Variants in BMP8A observed in about 807,000 individuals in gnomAD.
The protein encoded by BMP8A is BMP-8A.
BMP8A carries 14 observed loss-of-function variants against 36.8 expected under a neutral mutation model. That is an observed-to-expected ratio of 0.38 (90% CI 0.25 to 0.60). BMP8A has a LOEUF of 0.60. Ranked by LOEUF, BMP8A falls within the 20% of genes least tolerant of loss-of-function variation. The pLI is 0.63. For synonymous variants in BMP8A, 120 were observed against 237.7 expected (o/e 0.50, Z 4.55); for missense variants, 267 against 551.1 (o/e 0.48, Z 5.16).
chr1:39,493,216 G>T (rs1373939651), intron 1 of BMP8A, among the ~76,000 whole-genome samples: 4 of 152,190 alleles, frequency 2.6e-5, no homozygotes, highest in Non-Finnish European at 4.4e-5. Context: ...GAGCTGTGGG[G>T]CTGAGAGCAG....
chr1:39,522,296 A>G, intron 4 of BMP8A, 107 bp from the exon 5 acceptor site: 1 of 1,186,364 alleles, frequency 8.4e-7, no homozygotes. Flanking sequence ...CCTGTCATTC[A>G]TTTATTTGAC....
At chr1:39,517,869 A>AAAGGCTAC (rs1468969773) in intron 3 of BMP8A, among the ~76,000 whole-genome samples, 1 of 152,286 alleles carries the variant, frequency 6.6e-6, no homozygotes, top group African/African-American at 2.4e-5. Flanking sequence ...GTGTGTGGCC[A>AAAGGCTAC]AAGGCTACAG....
Position 39,524,401 on chromosome 1 carries a change from T to C in BMP8A, c.1060-1248T>C, listed in dbSNP as rs1436925234. The stretch of plus-strand genomic sequence containing the variant: ...GCAAACCAACCGTGGAGTTGACACC[T>C]CCTGTGAGGAAGAGCAGAGCAGCCG... On this transcript the variant is annotated intron_variant, in intron 6 of 6. Transcript: ENST00000331593. The surrounding 1 kb of genome is among the most constrained non-coding windows in gnomAD (Gnocchi z 4.0). Among the ~76,000 whole-genome samples the C allele has an allele frequency of 2.6e-5, 4 of 151,904 alleles. No individual in the cohort carries two copies. The highest frequency in any genetic ancestry group is 4.4e-5 in the Non-Finnish European group (3 of 67,964).
intron 3 of BMP8A, among the ~76,000 whole-genome samples, chr1:39,519,379 C>T (rs1256623195): frequency 7.1e-6 from 1 of 140,030 alleles, no homozygotes; most frequent in African/African-American, 2.5e-5. Context: ...TTCCTCTGTG[C>T]CCCAGCTCTG....
chr1:39,501,941 A>G (rs755355065), intron 1 of BMP8A, among the ~76,000 whole-genome samples: 1 of 152,182 alleles, frequency 6.6e-6, no homozygotes, highest in Non-Finnish European at 1.5e-5. Flanking sequence ...CATCACATCT[A>G]AAGAAACCCC....
rs950012742 is a variant in BMP8A at position 39,528,047 on chromosome 1, C to G, written c.*2249C>G. 5.3e-4 allele frequency among the ~76,000 whole-genome samples: 80 copies of G among 152,212 alleles called. No individual in the cohort carries two copies. Among genetic ancestry groups the G allele is most frequent in the Non-Finnish European group, 1.8e-4 (12 of 68,042 alleles). Reference sequence around the variant, plus strand: ...TCGGAAACTGACAAATGTGTGGTCTCTTCAGTGCCCAGTGTGTAACCTGGC... The same window carrying G: ...TCGGAAACTGACAAATGTGTGGTCTGTTCAGTGCCCAGTGTGTAACCTGGC... On this transcript the variant is annotated 3_prime_UTR_variant, in exon 7 of 7. Coordinates refer to ENST00000331593, the MANE Select transcript of BMP8A (RefSeq NM_181809.4).
chr1:39,507,686 A>T (rs1247418064), intron 1 of BMP8A, among the ~76,000 whole-genome samples: 1 of 152,136 alleles, frequency 6.6e-6, no homozygotes, highest in Non-Finnish European at 1.5e-5. Flanking sequence ...CCTTGGTTCT[A>T]TGGGAAGGTG....
chr1:39,517,395 A>T (rs1645401771), intron 3 of BMP8A, among the ~76,000 whole-genome samples: 1 of 151,876 alleles, frequency 6.6e-6, no homozygotes, highest in African/African-American at 2.4e-5. Context: ...AGCTCACTGC[A>T]ACCCCTGCTT....
intron 1 of BMP8A, among the ~76,000 whole-genome samples, chr1:39,499,731 C>T (rs542526069): frequency 6.6e-6 from 1 of 152,182 alleles, no homozygotes; most frequent in African/African-American, 2.4e-5. Flanking sequence ...CCCAGAGCCA[C>T]GGTGAGGTGG....
At chr1:39,519,945 G>C (rs2124375122) in intron 3 of BMP8A, among the ~76,000 whole-genome samples, 1 of 114,436 alleles carries the variant, frequency 8.7e-6, no homozygotes, top group South Asian at 3.7e-4. Flanking sequence ...CTGCAATTCA[G>C]TATCAGGAAA....
rs964717070 is a variant in BMP8A, at chr1:39,504,552, G to C, written c.335-6622G>C. 2.6e-5 allele frequency among the ~76,000 whole-genome samples: 4 copies of C among 152,194 alleles called. No homozygotes were observed. The East Asian group carries it at 7.7e-4, about 29-fold the overall frequency. ...GCATGTCTCAGTCGGTATAGTGTGA[G>C]ACTCTTAATCTCAGGGTCGTGGGTT... On this transcript the variant is annotated intron_variant, in intron 1 of 6. Transcript: ENST00000331593.
At position 39,523,678 on chromosome 1, in the gene BMP8A, G is replaced by A. The variant is rs1231235912; in HGVS notation, c.1059+561G>A. 4.2e-6 allele frequency: 6 copies of A among 1,430,576 alleles called. No homozygotes were observed. The African/African-American group carries it at 4.5e-5, about 11-fold the overall frequency. 88.6% of individuals were successfully genotyped at this position (1,430,576 alleles called of 1,614,324 possible). A position where few individuals can be genotyped will look rare whatever the true frequency, so the allele number is the denominator to read the frequency against. On this transcript the variant is annotated intron_variant, in intron 6 of 6. Coordinates refer to ENST00000331593, the MANE Select transcript of BMP8A (RefSeq NM_181809.4). Reference sequence around the variant, plus strand: ...TTCTCTGGATCCCCTGGCTTTTGATGCCTTGGTGTCTGGGGCAACCTTAAA... The same window carrying A: ...TTCTCTGGATCCCCTGGCTTTTGATACCTTGGTGTCTGGGGCAACCTTAAA...
At chr1:39,498,270 C>A (rs1221682231) in intron 1 of BMP8A, among the ~76,000 whole-genome samples, 1 of 152,214 alleles carries the variant, frequency 6.6e-6, no homozygotes, top group Non-Finnish European at 1.5e-5. Flanking sequence ...TGCACCCAGC[C>A]CCCCTCCTCC....
At chr1:39,523,502 A>G (rs1409367921) in intron 6 of BMP8A, 6 of 1,344,042 alleles carry the variant, frequency 4.5e-6, no homozygotes, top group Middle Eastern at 2.7e-4. Context: ...TACGCTGGCA[A>G]GTCTGACCGC....
chr1:39,499,801 C>T (rs1239503548), intron 1 of BMP8A, among the ~76,000 whole-genome samples: 2 of 152,210 alleles, frequency 1.3e-5, no homozygotes, highest in African/African-American at 4.8e-5. Context: ...CATTGTCTGT[C>T]CTGGATTCTG....
rs1645484005 is a variant in BMP8A, at chr1:39,526,403, A to G, written c.*605A>G. 6.6e-6 allele frequency among the ~76,000 whole-genome samples: 1 copy of G among 150,786 alleles called. No individual in the cohort carries two copies. Among genetic ancestry groups the G allele is most frequent in the Non-Finnish European group, 1.5e-5 (1 of 67,846 alleles). On this transcript the variant is annotated 3_prime_UTR_variant, in exon 7 of 7. Coordinates refer to ENST00000331593, the MANE Select transcript of BMP8A (RefSeq NM_181809.4). Reference sequence around the variant, plus strand: ...ACCCAGGCTGGAGTGCAGTGGTGCAATCCTGGCTCACTGCAACCTCTGCCT... The same window carrying G: ...ACCCAGGCTGGAGTGCAGTGGTGCAGTCCTGGCTCACTGCAACCTCTGCCT...
At position 39,527,678 on chromosome 1, in the gene BMP8A, G is replaced by T. The variant is rs1344204169; in HGVS notation, c.*1880G>T. Among the ~76,000 whole-genome samples the T allele has an allele frequency of 6.6e-6, 1 of 152,228 alleles. No homozygotes were observed. The highest frequency in any genetic ancestry group is 1.5e-5 in the Non-Finnish European group (1 of 68,046). On this transcript the variant is annotated 3_prime_UTR_variant, in exon 7 of 7. Coordinates refer to ENST00000331593, the MANE Select transcript of BMP8A (RefSeq NM_181809.4). ...GCCCAGGCTGTCTGGAAGATGGTGA[G>T]TTCCCCACTAGTCTAAGGCTTCAAG...
chr1:39,501,186 G>T (rs1557686456), intron 1 of BMP8A, among the ~76,000 whole-genome samples: 1 of 152,086 alleles, frequency 6.6e-6, no homozygotes, highest in African/African-American at 2.4e-5. Context: ...CCACCCACTG[G>T]CCCCCTCCTC....
Position 39,522,793 on chromosome 1 carries a change from A to C in BMP8A, c.949-214A>C, listed in dbSNP as rs976721853. Among the ~76,000 whole-genome samples, 6 of 130,358 alleles carry C rather than the reference A, an allele frequency of 4.6e-5. No homozygotes were observed. The East Asian group carries it at 1.3e-3, about 28-fold the overall frequency. The allele number at this position is 130,358 out of a possible 152,430, so 85.5% of individuals were successfully genotyped here. On this transcript the variant is annotated intron_variant, in intron 5 of 6. Coordinates refer to ENST00000331593, the MANE Select transcript of BMP8A (RefSeq NM_181809.4). The stretch of plus-strand genomic sequence containing the variant: ...CAGCTCTGGGAGGTGTGGGCAGGGG[A>C]GGGCCGGCTGGGGAGGGCCGGCTGG...
Sources: allele counts gnomAD v4.1 joint callset (sites outside exome capture counted in the v4.1 genomes callset), GRCh38; gene constraint gnomAD v4.1.1; non-coding constraint Gnocchi (gnomAD v3.1); transcripts MANE v1.5; gene names NCBI Gene and HGNC (gene_info 2026-07-23, HGNC 2026-07-21).